Variants in ABCA3 observed in about 807,000 individuals in gnomAD.
The protein encoded by ABCA3 is ATP binding cassette subfamily A member 3, also known as phospholipid-transporting ATPase ABCA3.
Under a neutral mutation model 172.8 loss-of-function variants are expected in ABCA3, and 88 were observed. The ratio of observed to expected loss-of-function variants is 0.51; its 90% CI spans 0.43 to 0.61. The LOEUF is 0.61. ABCA3 is among the 20% of genes least tolerant of loss of function. The pLI is 0.00. For missense variants in ABCA3, 2,164 were observed against 2,301.0 expected (o/e 0.94, Z 1.22); for synonymous variants, 1,066 against 983.8 (o/e 1.08, Z -1.56).
chr16:2,339,542 A>T (rs2093757170), intron 1 of ABCA3, among the ~76,000 whole-genome samples: 1 of 152,200 alleles, frequency 6.6e-6, no homozygotes, highest in African/African-American at 2.4e-5. Flanking sequence ...AGTTTACAAA[A>T]GGCAGCGCCC....
Position 2,317,788 on chromosome 16 carries a change from G to A in ABCA3, c.874-24C>T, listed in dbSNP as rs188085238. On this transcript the variant is annotated intron_variant, in intron 8 of 32. Transcript: ENST00000301732. ...TCCTGGGGAGAGAAGCCATCACGCTGCTGGGGGCCCGTCACTGCCCGCCAT... is the reference window on the plus strand; with the variant it reads ...TCCTGGGGAGAGAAGCCATCACGCTACTGGGGGCCCGTCACTGCCCGCCAT... 1.1e-4 allele frequency: 178 copies of A among 1,608,344 alleles called. 1 individual carries two copies. The African/African-American group carries it at 2.0e-3, about 18-fold the overall frequency.
chr16:2,311,949 G>A (rs867947531), intron 10 of ABCA3, among the ~76,000 whole-genome samples: 20 of 152,136 alleles, frequency 1.3e-4, no homozygotes, highest in South Asian at 2.1e-4. Context: ...GAGCCACTGC[G>A]CCTGGCCACA....
intron 8 of ABCA3, among the ~76,000 whole-genome samples, chr16:2,319,345 T>C (rs192634983): frequency 2.4e-3 from 367 of 151,908 alleles, no homozygotes; most frequent in Non-Finnish European, 4.4e-3. Flanking sequence ...ATTAGCTGGG[T>C]GTGGTGGCAG....
Position 2,284,785 on chromosome 16 carries a change from T to A in ABCA3, c.3697A>T (p.Ile1233Phe). 1 of 1,613,340 alleles carries A rather than the reference T, an allele frequency of 6.2e-7. No homozygotes were observed. The highest frequency in any genetic ancestry group is 8.5e-7 in the Non-Finnish European group (1 of 1,179,824). ...ATFLMVTIMRIPAVKLEELSK... is the reference protein window; with the variant it reads ...ATFLMVTIMRFPAVKLEELSK... The stretch of plus-strand genomic sequence containing the variant: ...GTGGTCTCCAGGTGCCCACCTGGGA[T>A]GCGCATGATGGTGACCATCAGGAAG... Residue 1233 changes from isoleucine to phenylalanine, a missense_variant, in exon 24 of 33, where the codon ATC becomes TTC. This residue lies in a region of ABCA3 where 795 missense variants were observed against 881.9 expected (regional missense o/e 0.90). Coordinates refer to ENST00000301732, the MANE Select transcript of ABCA3 (RefSeq NM_001089.3). This position sits in a 1 kb window ranked among gnomAD's most constrained non-coding sequence, Gnocchi z 5.9.
chr16:2,313,055 A>G (rs1052020509), intron 10 of ABCA3, among the ~76,000 whole-genome samples: 1 of 152,024 alleles, frequency 6.6e-6, no homozygotes. Flanking sequence ...ACCATGTCTC[A>G]AAACAAAAAA....
At chr16:2,320,514 C>G (rs1365292190) in intron 7 of ABCA3, among the ~76,000 whole-genome samples, 1 of 151,698 alleles carries the variant, frequency 6.6e-6, no homozygotes, top group African/African-American at 2.4e-5. Flanking sequence ...CTCAGCCTCC[C>G]GAATAGCTGG....
intron 10 of ABCA3, among the ~76,000 whole-genome samples, chr16:2,315,839 CTTT>C (rs536716259): frequency 0.097 from 10,101 of 104,068 alleles, 301 homozygotes; most frequent in East Asian, 0.31. Context: ...AATTTTTAAA[CTTT>C]TTTTTTTTTT....
Position 2,299,441 on chromosome 16 carries a change from T to C in ABCA3, c.1703A>G (p.Asn568Ser), listed in dbSNP as rs780164146. The part of the protein sequence containing the change: ...EGQITVLLGH[N>S]GAGKTTTLSM... Reference sequence around the variant, plus strand: ...GAGGGTGGTGGTCTTCCCGGCACCGTTGTGGCCCAGCAGGACGGTGATCTG... The same window carrying C: ...GAGGGTGGTGGTCTTCCCGGCACCGCTGTGGCCCAGCAGGACGGTGATCTG... The change falls in exon 14 of 33, where the codon AAC (asparagine) becomes AGC (serine). Residue 568 changes from asparagine (N) to serine (S), a missense_variant. This residue lies in a region of ABCA3 where 1,343 missense variants were observed against 1,369.6 expected (regional missense o/e 0.98). Transcript: ENST00000301732. 5 of 1,613,828 alleles carry C rather than the reference T, an allele frequency of 3.1e-6. No individual in the cohort carries two copies. The highest frequency in any genetic ancestry group is 4.5e-5 in the East Asian group (2 of 44,856).
At chr16:2,325,972 C>A (rs768728481) in intron 5 of ABCA3, 38 bp downstream of exon 5, 1 of 1,610,756 alleles carries the variant, frequency 6.2e-7, no homozygotes, top group Non-Finnish European at 8.5e-7. Flanking sequence ...CGTGGAGGCA[C>A]CACTAGGCCT....
chr16:2,283,197 T>G lies in ABCA3; in HGVS notation c.4024A>C (p.Arg1342=). 3.7e-6 allele frequency: 6 copies of G among 1,613,098 alleles called. No homozygotes were observed. Among genetic ancestry groups the G allele is most frequent in the Non-Finnish European group, 5.1e-6 (6 of 1,179,932 alleles). The change falls in exon 26 of 33, where the codon AGG becomes CGG. Residue 1342 remains arginine (R), a synonymous_variant. Coordinates refer to ENST00000301732, the MANE Select transcript of ABCA3 (RefSeq NM_001089.3). This position sits in a 1 kb window ranked among gnomAD's most constrained non-coding sequence, Gnocchi z 5.4. ...LRGILCALRR[R]RTLTELYTRM... ...CCGGAGCCACTCACCAGTGTCCGCC[T>G]CCTCCGGAGGGCGCAGAGGATGCCC...
chr16:2,277,809 C>G lies in ABCA3; in HGVS notation c.4909+70G>C. ...CGGGGCGAGGCACAGACGCTCCGCA[C>G]AGCAGATGGGAGAGGCCTAGGTAGG... is the stretch of plus-strand genomic sequence containing the variant. On this transcript the variant is annotated intron_variant, in intron 31 of 32. Transcript: ENST00000301732. The surrounding 1 kb of genome is among the most constrained non-coding windows in gnomAD (Gnocchi z 5.3). The G allele has an allele frequency of 6.3e-7, 1 of 1,599,656 alleles. No homozygotes were observed. The highest frequency in any genetic ancestry group is 1.7e-5 in the Admixed American group (1 of 58,410).
Position 2,332,318 on chromosome 16 carries a change from G to A in ABCA3, c.-538-2464C>T, listed in dbSNP as rs1386775902. On this transcript the variant is annotated intron_variant, in intron 1 of 32. Transcript: ENST00000301732. ...TTTTGATAGTCACGATGGGCTTATC[G>A]GTAGGATTTCTAGTAGCGAGCACAG... The A allele has an allele frequency of 8.5e-6, 6 of 702,034 alleles. No homozygotes were observed. The Middle Eastern group carries it at 1.2e-3, about 143-fold the overall frequency. 43.5% of individuals were successfully genotyped at this position (702,034 alleles called of 1,614,324 possible). A position where few individuals can be genotyped will look rare whatever the true frequency, so the allele number is the denominator to read the frequency against.
intron 9 of ABCA3, 46 bp from the exon 10 acceptor site, chr16:2,317,449 G>T: frequency 6.2e-7 from 1 of 1,610,418 alleles, no homozygotes; most frequent in Non-Finnish European, 8.5e-7. Context: ...CGGCAGAGGT[G>T]GACCAGGAGG....
At position 2,299,897 on chromosome 16, in the gene ABCA3, A is replaced by G. The variant is rs980129621; in HGVS notation, c.1611+108T>C. The stretch of plus-strand genomic sequence containing the variant: ...CCCTCCTTCAGGGCAGGAGGGAGCA[A>G]GGCTCAGAGGGAGCGCCTGACGGGC... On this transcript the variant is annotated intron_variant, in intron 13 of 32. Transcript: ENST00000301732. The G allele has an allele frequency of 1.6e-5, 25 of 1,518,700 alleles. No homozygotes were observed. The South Asian group carries it at 2.4e-4, about 14-fold the overall frequency. 94.1% of individuals were successfully genotyped at this position (1,518,700 alleles called of 1,614,324 possible).
At chr16:2,282,138 T>A (rs2093656156) in intron 26 of ABCA3, among the ~76,000 whole-genome samples, 1 of 152,144 alleles carries the variant, frequency 6.6e-6, no homozygotes, top group South Asian at 2.1e-4. Context: ...TCTTGCTCTG[T>A]CACCCAGGCT....
chr16:2,332,232 T>TC (rs1262275465), intron 1 of ABCA3: 3 of 439,126 alleles, frequency 6.8e-6, no homozygotes, highest in African/African-American at 6.4e-5. Flanking sequence ...CTCCTCCATT[T>TC]CTTTTTTTTT....
intron 10 of ABCA3, among the ~76,000 whole-genome samples, chr16:2,316,550 C>A (rs2093716233): frequency 7.6e-6 from 1 of 131,288 alleles, no homozygotes; most frequent in Non-Finnish European, 1.6e-5. Flanking sequence ...TGGTGGCACA[C>A]GCCTGTAATC....
intron 11 of ABCA3, among the ~76,000 whole-genome samples, chr16:2,307,886 T>C (rs1407432582): frequency 6.6e-6 from 1 of 152,004 alleles, no homozygotes; most frequent in African/African-American, 2.4e-5. Context: ...ATTATAGGCG[T>C]GAGCCACCAC....
intron 28 of ABCA3, among the ~76,000 whole-genome samples, chr16:2,280,596 C>A (rs936216804): frequency 3.9e-5 from 6 of 152,146 alleles, no homozygotes; most frequent in Non-Finnish European, 7.4e-5. Flanking sequence ...CCATGCAGGC[C>A]CCGGGCAGAG....
Sources: gnomAD v4.1 joint callset for allele counts (sites outside exome capture counted in the v4.1 genomes callset) on GRCh38, gnomAD v4.1.1 for gene constraint, gnomAD v4.1.1 regional missense constraint, Gnocchi (gnomAD v3.1) non-coding constraint, MANE v1.5 for transcripts, NCBI Gene and HGNC (gene_info 2026-07-23, HGNC 2026-07-21) for gene names.